The following DENND1A variants were observed in gnomAD, a reference collection of about 807,000 sequenced individuals.
DENND1A encodes DENN domain-containing protein 1A.
A neutral mutation model predicts 113.7 loss-of-function variants in DENND1A; 51 were observed. That is an observed-to-expected ratio of 0.45 (90% CI 0.36 to 0.57). The LOEUF (loss-of-function observed/expected upper bound fraction) is 0.57, where lower values mean the gene tolerates loss of function less well. DENND1A is among the 20% of genes least tolerant of loss of function. The probability of loss-of-function intolerance (pLI) is 0.00; values close to 1 mark genes in which losing one functional copy is unlikely to be tolerated. For missense variants in DENND1A, 1,258 were observed against 1,395.9 expected, an observed-to-expected ratio of 0.90 and a Z score of 1.57; for synonymous variants, 565 against 570.8, an observed-to-expected ratio of 0.99 and a Z score of 0.14.
intron 18 of DENND1A, among the ~76,000 whole-genome samples, chr9:123,449,400 T>C (rs889551780): frequency 6.6e-6 from 1 of 152,022 alleles, no homozygotes; most frequent in African/African-American, 2.4e-5. Flanking sequence ...CCAGATGTGG[T>C]AGCACGTGCC....
intron 2 of DENND1A, among the ~76,000 whole-genome samples, chr9:123,874,538 G>A (rs1195171729): frequency 6.6e-6 from 1 of 152,102 alleles, no homozygotes; most frequent in Non-Finnish European, 1.5e-5. Flanking sequence ...AAGGTGGGAG[G>A]AACACTTGAG....
intron 19 of DENND1A, among the ~76,000 whole-genome samples, chr9:123,437,466 C>T (rs1177514767): frequency 6.6e-6 from 1 of 152,226 alleles, no homozygotes; most frequent in Non-Finnish European, 1.5e-5. Context: ...AGGCAACCGT[C>T]TCAACGGTCT....
chr9:123,747,966 A>AT (rs961675717), intron 5 of DENND1A, among the ~76,000 whole-genome samples: 1 of 152,212 alleles, frequency 6.6e-6, no homozygotes, highest in Non-Finnish European at 1.5e-5. Context: ...ACATGTTAAG[A>AT]TAAAAAAAAA....
At chr9:123,514,984 T>C (rs561102331) in intron 13 of DENND1A, among the ~76,000 whole-genome samples, 1 of 152,200 alleles carries the variant, frequency 6.6e-6, no homozygotes, top group Non-Finnish European at 1.5e-5. Flanking sequence ...AATACGGTCA[T>C]GTGTTAACAG....
chr9:123,398,770 G>A (rs1451709192), intron 21 of DENND1A, among the ~76,000 whole-genome samples: 3 of 151,110 alleles, frequency 2.0e-5, no homozygotes, highest in Admixed American at 6.6e-5. Flanking sequence ...GCAGCTGTGC[G>A]CACCCCATGG....
intron 16 of DENND1A, among the ~76,000 whole-genome samples, chr9:123,454,473 A>T (rs1218884832): frequency 6.6e-6 from 1 of 152,238 alleles, no homozygotes; most frequent in Non-Finnish European, 1.5e-5. Context: ...CTAAGACAGC[A>T]ACATTCCATT....
chr9:123,501,293 G>A (rs2052459880), intron 13 of DENND1A, among the ~76,000 whole-genome samples: 1 of 152,190 alleles, frequency 6.6e-6, no homozygotes. Flanking sequence ...TTAAGGCTGT[G>A]TAATATTCCA....
At chr9:123,620,257 A>T (rs2060891819) in intron 10 of DENND1A, among the ~76,000 whole-genome samples, 1 of 150,896 alleles carries the variant, frequency 6.6e-6, no homozygotes, top group East Asian at 1.9e-4. Context: ...AAAGAAAAAA[A>T]GGAAAAAAGA....
At chr9:123,819,051 T>C (rs1838039545) in intron 2 of DENND1A, among the ~76,000 whole-genome samples, 1 of 152,168 alleles carries the variant, frequency 6.6e-6, no homozygotes, top group Non-Finnish European at 1.5e-5. Context: ...ACTTAATCCA[T>C]CTCTGGGCAT....
chr9:123,678,275 C>T (rs2064221130), intron 5 of DENND1A, among the ~76,000 whole-genome samples: 1 of 152,314 alleles, frequency 6.6e-6, no homozygotes, highest in Middle Eastern at 3.4e-3. Flanking sequence ...TCAGCGTTTA[C>T]TGAGCAAATA....
In DENND1A at chr9:123,929,978, G is replaced by T. The variant is rs1857758382; in HGVS notation, c.-73C>A. 3.6e-6 allele frequency: 1 copy of T among 279,948 alleles called. No individual in the cohort carries two copies. The highest frequency in any genetic ancestry group is 6.5e-6 in the Non-Finnish European group (1 of 153,646). 17.3% of individuals were successfully genotyped at this position (279,948 alleles called of 1,614,324 possible). A position where few individuals can be genotyped will look rare whatever the true frequency, so the allele number is the denominator to read the frequency against. Reference sequence around the variant, plus strand: ...CTGCCCGCCCGCCCGCGGCCGACCGGCCTCCCTCTGGCGCTCTCCCCGCCC... The same window carrying T: ...CTGCCCGCCCGCCCGCGGCCGACCGTCCTCCCTCTGGCGCTCTCCCCGCCC... On this transcript the variant is annotated 5_prime_UTR_variant, in exon 1 of 24. Coordinates refer to ENST00000394215, the MANE Select transcript of DENND1A (RefSeq NM_001352964.2).
At chr9:123,445,960 C>A (rs1211308993) in intron 18 of DENND1A, among the ~76,000 whole-genome samples, 3 of 152,240 alleles carry the variant, frequency 2.0e-5, no homozygotes, top group Non-Finnish European at 4.4e-5. Context: ...CTCTTCTACT[C>A]CTTCCAACGA....
intron 19 of DENND1A, among the ~76,000 whole-genome samples, chr9:123,412,385 G>A (rs932372981): frequency 1.3e-5 from 2 of 152,204 alleles, no homozygotes; most frequent in African/African-American, 4.8e-5. Flanking sequence ...TCCTTCAAGA[G>A]CTCTGTCGGC....
At chr9:123,470,584 C>T (rs1482565943) in intron 13 of DENND1A, among the ~76,000 whole-genome samples, 1 of 152,100 alleles carries the variant, frequency 6.6e-6, no homozygotes, top group Non-Finnish European at 1.5e-5. Flanking sequence ...CGCAATCAGC[C>T]GCAGAACCCA....
intron 8 of DENND1A, among the ~76,000 whole-genome samples, chr9:123,660,615 CATTA>C (rs2063186084): frequency 6.6e-6 from 1 of 151,886 alleles, no homozygotes; most frequent in Non-Finnish European, 1.5e-5. Context: ...TTTATCATAA[CATTA>C]TTTATAGAAA....
At chr9:123,901,650 T>G (rs1851640486) in intron 1 of DENND1A, among the ~76,000 whole-genome samples, 1 of 152,214 alleles carries the variant, frequency 6.6e-6, no homozygotes, top group Non-Finnish European at 1.5e-5. Flanking sequence ...TCTAGAGTCC[T>G]CATCATGTGG....
chr9:123,518,856 T>A (rs2054154961), intron 13 of DENND1A, among the ~76,000 whole-genome samples: 1 of 152,132 alleles, frequency 6.6e-6, no homozygotes, highest in African/African-American at 2.4e-5. Flanking sequence ...TTAACAAATA[T>A]AAAATTAACT....
rs149648639 is a variant in DENND1A at position 123,849,174 on chromosome 9, T to G, written c.88+29777A>C. Among the ~76,000 whole-genome samples, 734 of 152,298 alleles carry G rather than the reference T, an allele frequency of 4.8e-3. 2 individuals are homozygous for G. The highest frequency in any genetic ancestry group is 0.017 in the African/African-American group (718 of 41,564). The stretch of plus-strand genomic sequence containing the variant: ...TAGAAGAAAATGCCATCTAGGACTT[T>G]CATAGCTAGAGAGGAGATGTCAAAA... On this transcript the variant is annotated intron_variant, in intron 2 of 23. Transcript: ENST00000394215.
intron 1 of DENND1A, among the ~76,000 whole-genome samples, chr9:123,922,939 T>C (rs534945407): frequency 6.6e-6 from 1 of 152,366 alleles, no homozygotes; most frequent in African/African-American, 2.4e-5. Context: ...TCGGAAAGAA[T>C]GGGTACGGAT....
Sources: allele counts gnomAD v4.1 joint callset (sites outside exome capture counted in the v4.1 genomes callset), GRCh38; gene constraint gnomAD v4.1.1; transcripts MANE v1.5; gene names NCBI Gene and HGNC (gene_info 2026-07-23, HGNC 2026-07-21).